The following PKHD1 variants were observed in gnomAD, a reference collection of about 807,000 sequenced individuals.
The protein encoded by PKHD1 is PKHD1 ciliary IPT domain containing fibrocystin/polyductin, also known as fibrocystin.
Under a neutral mutation model 412.0 loss-of-function variants are expected in PKHD1, and 291 were observed. That is an observed-to-expected ratio of 0.71 (90% confidence interval 0.64 to 0.78). The LOEUF (loss-of-function observed/expected upper bound fraction) is 0.78, where lower values mean the gene tolerates loss of function less well. Among genes scored for constraint, PKHD1 ranks in the 30% least tolerant of loss-of-function variants. The pLI is 0.00. For synonymous variants in PKHD1, 1,777 were observed against 1,821.5 expected, an observed-to-expected ratio of 0.98 and a Z score of 0.62; for missense variants, 4,825 against 4,950.7, an observed-to-expected ratio of 0.97 and a Z score of 0.76.
chr6:51,946,468 T>C (rs1211420499), intron 36 of PKHD1, among the ~76,000 whole-genome samples: 1 of 152,208 alleles, frequency 6.6e-6, no homozygotes, highest in Non-Finnish European at 1.5e-5. Context: ...CACCAAGATT[T>C]TCATCCTCAC....
intron 36 of PKHD1, among the ~76,000 whole-genome samples, chr6:51,957,882 C>G (rs996403952): frequency 6.6e-6 from 1 of 152,108 alleles, no homozygotes; most frequent in Non-Finnish European, 1.5e-5. Flanking sequence ...GCCAGCATCA[C>G]TTATTTTAGA....
rs779065809 is a variant in PKHD1, at chr6:51,791,212, C to T, written c.8440+24G>A. ...CACAGAATATAATTCTCAACATGCTCGCAATCCTTGTGCCTTTACTCACCA... is the reference window on the plus strand; with the variant it reads ...CACAGAATATAATTCTCAACATGCTTGCAATCCTTGTGCCTTTACTCACCA... On this transcript the variant is annotated intron_variant, in intron 53 of 66. Transcript: ENST00000371117. 27 of 1,610,552 alleles carry T rather than the reference C, an allele frequency of 1.7e-5. No individual in the cohort carries two copies. In the South Asian group the frequency reaches 2.0e-4, roughly 12 times the overall value.
intron 35 of PKHD1, among the ~76,000 whole-genome samples, chr6:51,974,379 A>G (rs950747341): frequency 3.9e-5 from 6 of 152,236 alleles, no homozygotes; most frequent in African/African-American, 1.4e-4. Context: ...AACTTAAACC[A>G]TGCTTAGTTT....
chr6:51,906,303 G>A lies in PKHD1; in HGVS notation c.6720C>T (p.Phe2240=). The change falls in exon 41 of 67, where the codon TTC becomes TTT. Residue 2240 remains phenylalanine, a synonymous_variant. Coordinates refer to ENST00000371117, the MANE Select transcript of PKHD1 (RefSeq NM_138694.4). ...TCCCGCACATGCTGAGGCCTCTACT[G>A]AAGGAGTTCCTCACTGTGCAGCCCT... The part of the protein sequence containing the change: ...FIQGCTVRNS[F]SRGLSMCGTL... 6.2e-7 allele frequency: 1 copy of A among 1,609,498 alleles called. No individual in the cohort carries two copies. The highest frequency in any genetic ancestry group is 8.5e-7 in the Non-Finnish European group (1 of 1,176,080).
intron 55 of PKHD1, among the ~76,000 whole-genome samples, chr6:51,756,160 A>T (rs1786978829): frequency 6.6e-6 from 1 of 152,286 alleles, no homozygotes; most frequent in South Asian, 2.1e-4. Context: ...AAGACAAAAA[A>T]ACTACTATCA....
intron 60 of PKHD1, among the ~76,000 whole-genome samples, chr6:51,722,888 CAA>C (rs1782102050): frequency 6.6e-6 from 1 of 152,148 alleles, no homozygotes; most frequent in African/African-American, 2.4e-5. Context: ...AGGACCTCTG[CAA>C]AGTCTCCTGC....
intron 35 of PKHD1, among the ~76,000 whole-genome samples, chr6:51,996,284 C>T (rs1287833461): frequency 2.7e-5 from 4 of 150,056 alleles, no homozygotes; most frequent in African/African-American, 9.8e-5. Flanking sequence ...GCTGGGATTA[C>T]AGGCATGAGC....
intron 35 of PKHD1, among the ~76,000 whole-genome samples, chr6:51,968,226 C>T (rs1417878652): frequency 1.3e-5 from 2 of 152,062 alleles, no homozygotes; most frequent in Non-Finnish European, 2.9e-5. Flanking sequence ...ATGATCTCCT[C>T]AAGGGCAAAA....
At chr6:51,895,886 T>G (rs986559538) in intron 43 of PKHD1, among the ~76,000 whole-genome samples, 1 of 152,026 alleles carries the variant, frequency 6.6e-6, no homozygotes, top group Non-Finnish European at 1.5e-5. Flanking sequence ...TTCCCTTTCC[T>G]AGTCAAACAA....
Position 51,648,079 on chromosome 6 carries a change from A to G in PKHD1, c.11350T>C (p.Trp3784Arg), listed in dbSNP as rs1248281525. Residue 3784 changes from tryptophan to arginine, a missense_variant, in exon 63 of 67, where the codon TGG becomes CGG. Physicochemically the swap from Trp to Arg is moderately radical, Grantham distance 101 (BLOSUM62 -3). Coordinates refer to ENST00000371117, the MANE Select transcript of PKHD1 (RefSeq NM_138694.4). Reference sequence around the variant, plus strand: ...CCTTCCAGGGAAGCTGAAATTGTCCATGGCTCTGAAGGAGGTCCCAGGGAC... The same window carrying G: ...CCTTCCAGGGAAGCTGAAATTGTCCGTGGCTCTGAAGGAGGTCCCAGGGAC... ...VESLGPPSEP[W>R]TISASLEGAS... 3.1e-6 allele frequency: 5 copies of G among 1,609,496 alleles called. No individual in the cohort carries two copies. The highest frequency in any genetic ancestry group is 3.4e-6 in the Non-Finnish European group (4 of 1,175,712).
At chr6:51,667,042 T>A (rs1773934515) in intron 60 of PKHD1, among the ~76,000 whole-genome samples, 1 of 149,484 alleles carries the variant, frequency 6.7e-6, no homozygotes, top group Non-Finnish European at 1.5e-5. Context: ...TGATTTATAG[T>A]CATTTGGGTA....
In PKHD1 at chr6:51,934,096, A is replaced by G. The variant is rs757356682; in HGVS notation, c.6121+14T>C. On this transcript the variant is annotated intron_variant, in intron 37 of 66. Transcript: ENST00000371117. ...AGCTCTACTTCATTTCCTCTGATCA[A>G]TTGCCTCACTCACCGTGCAGAGAAA... 4.4e-6 allele frequency: 7 copies of G among 1,580,812 alleles called. No homozygotes were observed. Among genetic ancestry groups the G allele is most frequent in the Non-Finnish European group, 6.1e-6 (7 of 1,149,682 alleles).
At chr6:51,843,342 G>C (rs995122568) in intron 50 of PKHD1, among the ~76,000 whole-genome samples, 2 of 152,246 alleles carry the variant, frequency 1.3e-5, no homozygotes, top group African/African-American at 4.8e-5. Flanking sequence ...GCTGAGACTC[G>C]ATGTAGGCCT....
intron 37 of PKHD1, among the ~76,000 whole-genome samples, chr6:51,916,798 A>G (rs182184057): frequency 6.6e-6 from 1 of 152,244 alleles, no homozygotes; most frequent in East Asian, 1.9e-4. Context: ...AAGCTCAATA[A>G]TTTATGAATA....
intron 6 of PKHD1, 32 bp downstream of exon 6, chr6:52,076,244 A>T: frequency 6.7e-7 from 1 of 1,492,570 alleles, no homozygotes; most frequent in Non-Finnish European, 9.4e-7. Flanking sequence ...ACAGATTCAC[A>T]ATTATTCCTA....
chr6:51,733,783 ACT>A (rs1446690912), intron 60 of PKHD1, among the ~76,000 whole-genome samples: 1 of 152,220 alleles, frequency 6.6e-6, no homozygotes, highest in Admixed American at 6.5e-5. Flanking sequence ...AAAGACTTAT[ACT>A]CTGTCATGCC....
intron 4 of PKHD1, among the ~76,000 whole-genome samples, chr6:52,081,476 G>A (rs1001177114): frequency 6.6e-6 from 1 of 152,100 alleles, no homozygotes; most frequent in African/African-American, 2.4e-5. Flanking sequence ...CTGACAAGTG[G>A]GTAACTGACA....
intron 54 of PKHD1, among the ~76,000 whole-genome samples, chr6:51,774,980 G>A (rs1223034480): frequency 6.6e-6 from 1 of 150,694 alleles, no homozygotes; most frequent in East Asian, 1.9e-4. Context: ...TTTAGATATT[G>A]TATTGTCACA....
At chr6:51,894,328 TG>T (rs1388310319) in intron 43 of PKHD1, among the ~76,000 whole-genome samples, 1 of 152,186 alleles carries the variant, frequency 6.6e-6, no homozygotes, top group Non-Finnish European at 1.5e-5. Flanking sequence ...TTATCACCCA[TG>T]GGTCCTCACT....
Sources: gnomAD v4.1 joint callset for allele counts (sites outside exome capture counted in the v4.1 genomes callset) on GRCh38, gnomAD v4.1.1 for gene constraint, MANE v1.5 for transcripts, NCBI Gene and HGNC (gene_info 2026-07-23, HGNC 2026-07-21) for gene names.